The following SATB2 variants were observed in gnomAD, a reference collection of about 807,000 sequenced individuals.
SATB2 encodes the protein SATB homeobox 2.
SATB2 carries 1 observed loss-of-function variant against 73.4 expected under a neutral mutation model. That is an observed-to-expected ratio of 0.01 (90% confidence interval 0.00 to 0.06). The LOEUF (loss-of-function observed/expected upper bound fraction) is 0.06, where lower values mean the gene tolerates loss of function less well. Among genes scored for constraint, SATB2 ranks in the 10% least tolerant of loss-of-function variants. SATB2 has a pLI of 1.00. For synonymous variants in SATB2, 397 were observed against 367.0 expected, an observed-to-expected ratio of 1.08 and a Z score of -0.93; for missense variants, 459 against 945.8, an observed-to-expected ratio of 0.49 and a Z score of 6.75.
chr2:199,438,539 C>T (rs1426567212), intron 2 of SATB2, among the ~76,000 whole-genome samples: 1 of 152,170 alleles, frequency 6.6e-6, no homozygotes, highest in African/African-American at 2.4e-5. Flanking sequence ...ACAGCTCTTT[C>T]CCCCTTGCCT....
chr2:199,385,981 C>T (rs1018617147), intron 3 of SATB2, among the ~76,000 whole-genome samples: 1 of 152,158 alleles, frequency 6.6e-6, no homozygotes, highest in African/African-American at 2.4e-5. Context: ...GAAAAGGAGA[C>T]TCTAGCACTG....
chr2:199,342,171 C>T lies in SATB2; in HGVS notation c.1173+6530G>A, dbSNP rs904214682. On this transcript the variant is annotated intron_variant, in intron 7 of 10. Coordinates refer to ENST00000417098, the MANE Select transcript of SATB2 (RefSeq NM_001172509.2). ...AGAAGTAAAACCATGGGCCGGGGAGCGGGGAGGCGGGGGAGCATCAAAAAC... is the reference window on the plus strand; with the variant it reads ...AGAAGTAAAACCATGGGCCGGGGAGTGGGGAGGCGGGGGAGCATCAAAAAC... 7.2e-5 allele frequency among the ~76,000 whole-genome samples: 11 copies of T among 151,956 alleles called. No individual in the cohort carries two copies. In the South Asian group the frequency reaches 1.7e-3, roughly 23 times the overall value.
chr2:199,294,118 A>G (rs1015261056), intron 10 of SATB2, among the ~76,000 whole-genome samples: 2 of 152,146 alleles, frequency 1.3e-5, no homozygotes, highest in Non-Finnish European at 2.9e-5. Context: ...AATGCTGCAA[A>G]TGTAGATGAA....
chr2:199,444,362 C>T (rs1691905860), intron 2 of SATB2, among the ~76,000 whole-genome samples: 1 of 151,982 alleles, frequency 6.6e-6, no homozygotes. Context: ...AAATCTTTTA[C>T]CCTAAATAAA....
chr2:199,353,898 C>G (rs1688893919), intron 6 of SATB2, among the ~76,000 whole-genome samples: 1 of 152,174 alleles, frequency 6.6e-6, no homozygotes, highest in South Asian at 2.1e-4. Flanking sequence ...TCACCTTGGC[C>G]CTAAGGGCCA....
chr2:199,288,019 A>G (rs1333274267), intron 10 of SATB2, among the ~76,000 whole-genome samples: 1 of 152,210 alleles, frequency 6.6e-6, no homozygotes, highest in African/African-American at 2.4e-5. Flanking sequence ...GTGTGAATAA[A>G]CACCTTCAAC....
At chr2:199,286,137 A>AG (rs1692681844) in intron 10 of SATB2, among the ~76,000 whole-genome samples, 1 of 12,328 alleles carries the variant, frequency 8.1e-5, no homozygotes. Context: ...AGTTTGGGGA[A>AG]AAAAAAAAAA....
chr2:199,340,179 T>C (rs1217048097), intron 7 of SATB2, among the ~76,000 whole-genome samples: 1 of 152,234 alleles, frequency 6.6e-6, no homozygotes, highest in African/African-American at 2.4e-5. Context: ...ATAAATTGTA[T>C]TTATGATCCT....
chr2:199,313,992 G>A (rs1212586462), intron 9 of SATB2, among the ~76,000 whole-genome samples: 1 of 152,160 alleles, frequency 6.6e-6, no homozygotes, highest in East Asian at 1.9e-4. Flanking sequence ...TAGATGGAAT[G>A]TCTCATACTC....
rs560640019 is a variant in SATB2, at chr2:199,278,863, G to T, written c.1741-6191C>A. 2.0e-4 allele frequency among the ~76,000 whole-genome samples: 30 copies of T among 152,216 alleles called. No homozygotes were observed. The South Asian group carries it at 6.0e-3, about 31-fold the overall frequency. On this transcript the variant is annotated intron_variant, in intron 10 of 10. Transcript: ENST00000417098. ...TCAGAGGTGTTCATCATATCTAAAA[G>T]AAATGATATTAAAAACAGCCCTGGG...
At chr2:199,458,581 C>G (rs981192975), upstream of SATB2, 2 of 428,138 alleles carry the variant, frequency 4.7e-6, no homozygotes, top group African/African-American at 4.3e-5. Context: ...AGCCCCTAGG[C>G]GCACTCGTCC....
intron 7 of SATB2, among the ~76,000 whole-genome samples, chr2:199,337,343 T>A (rs533391108): frequency 8.5e-5 from 13 of 152,342 alleles, no homozygotes; most frequent in African/African-American, 3.1e-4. Context: ...GTAACTTTGC[T>A]ATCTTTAAAA....
intron 2 of SATB2, among the ~76,000 whole-genome samples, chr2:199,446,291 C>T (rs7579004): frequency 0.55 from 83,153 of 152,012 alleles, 26,278 homozygotes; most frequent in Non-Finnish European, 0.7. Flanking sequence ...AAAATATTTT[C>T]ACTACATTAT....
chr2:199,394,254 TA>T (rs1371105428), intron 3 of SATB2, among the ~76,000 whole-genome samples: 1 of 152,104 alleles, frequency 6.6e-6, no homozygotes, highest in Non-Finnish European at 1.5e-5. Context: ...CATAAATAAA[TA>T]AATTTAATTT....
intron 3 of SATB2, among the ~76,000 whole-genome samples, chr2:199,408,340 T>G (rs1690699514): frequency 6.6e-6 from 1 of 152,162 alleles, no homozygotes; most frequent in South Asian, 2.1e-4. Context: ...ACACATAATT[T>G]TTGACCTTGC....
At chr2:199,436,496 G>A (rs575305417) in intron 2 of SATB2, among the ~76,000 whole-genome samples, 3 of 151,692 alleles carry the variant, frequency 2.0e-5, no homozygotes, top group Non-Finnish European at 4.4e-5. Context: ...AACCAGGAAC[G>A]TATGTATGAT....
intron 2 of SATB2, among the ~76,000 whole-genome samples, chr2:199,450,396 A>C (rs1172448737): frequency 2.0e-5 from 3 of 152,182 alleles, no homozygotes; most frequent in African/African-American, 7.2e-5. Flanking sequence ...TAAGGAAGAT[A>C]GTAAAAATTA....
chr2:199,457,970 G>A (rs532848087), upstream of SATB2: 1 of 153,550 alleles, frequency 6.5e-6, no homozygotes, highest in South Asian at 2.0e-4. The surrounding 1 kb of genome is among the most constrained non-coding windows in gnomAD (Gnocchi z 4.8). Context: ...GACACACTGA[G>A]AGGGAGATGA....
chr2:199,285,038 C>T (rs542208588), intron 10 of SATB2, among the ~76,000 whole-genome samples: 1 of 152,074 alleles, frequency 6.6e-6, no homozygotes, highest in Non-Finnish European at 1.5e-5. Flanking sequence ...ATCAATCCCC[C>T]GTGGATACAA....
Sources: allele counts gnomAD v4.1 joint callset (sites outside exome capture counted in the v4.1 genomes callset), GRCh38; gene constraint gnomAD v4.1.1; non-coding constraint Gnocchi (gnomAD v3.1); transcripts MANE v1.5; gene names NCBI Gene and HGNC (gene_info 2026-07-23, HGNC 2026-07-21).